Variants in KCND2 observed in about 807,000 individuals in gnomAD.
The protein encoded by KCND2 is potassium voltage-gated channel subfamily D member 2.
KCND2 carries 16 observed loss-of-function variants against 54.4 expected under a neutral mutation model. The ratio of observed to expected loss-of-function variants is 0.29; its 90% confidence interval spans 0.20 to 0.45. KCND2 has a LOEUF of 0.45. KCND2 is among the 20% of genes least tolerant of loss of function. The pLI, the probability that KCND2 is intolerant of heterozygous loss-of-function variation, is 1.00. For synonymous variants in KCND2, 317 were observed against 310.7 expected (o/e 1.02, Z -0.21); for missense variants, 486 against 824.2 (o/e 0.59, Z 5.02).
Position 120,747,068 on chromosome 7 carries a change from A to G in KCND2, c.1716-613A>G, listed in dbSNP as rs548813159. Among the ~76,000 whole-genome samples, 11 of 152,258 alleles carry G rather than the reference A, an allele frequency of 7.2e-5. No individual in the cohort carries two copies. In the South Asian group the frequency reaches 2.3e-3, roughly 32 times the overall value. On this transcript the variant is annotated intron_variant, in intron 5 of 5. Transcript: ENST00000331113. ...TTATGTTTTCCATGAAAATAAAATA[A>G]TCAGTTTCAAGCTTCTGTGTATATC... is the stretch of plus-strand genomic sequence containing the variant.
In KCND2 at chr7:120,747,833, A is replaced by G; in HGVS notation, c.1868A>G (p.Asn623Ser). The G allele has an allele frequency of 6.2e-7, 1 of 1,612,232 alleles. No homozygotes were observed. The highest frequency in any genetic ancestry group is 8.5e-7 in the Non-Finnish European group (1 of 1,178,774). Residue 623 changes from asparagine to serine, a missense_variant, in exon 6 of 6, where the codon AAT becomes AGT. By Grantham distance (46) the Asn-to-Ser change is conservative. Transcript: ENST00000331113. ...RPESPEYSGG[N>S]IVRVSAL is the part of the protein sequence containing the mutation. ...GAATCCCCTGAGTACTCAGGAGGAA[A>G]TATTGTCAGAGTTTCTGCTTTGTAA...
At chr7:120,589,827 G>C (rs1792647807) in intron 1 of KCND2, among the ~76,000 whole-genome samples, 3 of 152,154 alleles carry the variant, frequency 2.0e-5, no homozygotes, top group Admixed American at 2.0e-4. Context: ...GGAAAATGGG[G>C]TTAATGGTAG....
chr7:120,716,015 G>C (rs1179299663), intron 1 of KCND2, among the ~76,000 whole-genome samples: 3 of 135,594 alleles, frequency 2.2e-5, no homozygotes, highest in African/African-American at 5.9e-5. Context: ...TTAGCTAAGA[G>C]AGTTTTTACT....
At chr7:120,319,944 T>C (rs1389031498) in intron 1 of KCND2, among the ~76,000 whole-genome samples, 1 of 152,088 alleles carries the variant, frequency 6.6e-6, no homozygotes, top group Non-Finnish European at 1.5e-5. Context: ...TTGGTTAGCA[T>C]TGAATGGTAG....
At chr7:120,708,090 G>A (rs1430896229) in intron 1 of KCND2, among the ~76,000 whole-genome samples, 3 of 151,992 alleles carry the variant, frequency 2.0e-5, no homozygotes, top group Non-Finnish European at 4.4e-5. Context: ...GTCAGAAAGG[G>A]AAAAACAAAA....
intron 1 of KCND2, among the ~76,000 whole-genome samples, chr7:120,340,413 A>G (rs1452290448): frequency 6.6e-6 from 1 of 152,210 alleles, no homozygotes; most frequent in African/African-American, 2.4e-5. Flanking sequence ...CCATCCACCT[A>G]TGTGAGAAAT....
intron 5 of KCND2, chr7:120,747,047 G>A (rs140847443): frequency 0.025 from 3,830 of 152,160 alleles, 66 homozygotes; most frequent in Non-Finnish European, 0.036. Flanking sequence ...TCTTAATTAT[G>A]TTTTCCATGA....
intron 1 of KCND2, among the ~76,000 whole-genome samples, chr7:120,389,693 G>A (rs1801044238): frequency 6.6e-6 from 1 of 151,700 alleles, no homozygotes; most frequent in Non-Finnish European, 1.5e-5. Flanking sequence ...TGATATTACA[G>A]TATTGTTATA....
intron 1 of KCND2, among the ~76,000 whole-genome samples, chr7:120,349,220 G>A (rs1463416446): frequency 1.3e-5 from 2 of 151,880 alleles, no homozygotes; most frequent in Non-Finnish European, 1.5e-5. Context: ...ATGCCTTTAT[G>A]TGGCTGATTA....
At chr7:120,576,077 T>C (rs1409652450) in intron 1 of KCND2, among the ~76,000 whole-genome samples, 3 of 149,928 alleles carry the variant, frequency 2.0e-5, no homozygotes, top group African/African-American at 7.4e-5. Flanking sequence ...ATAGAAAAAA[T>C]TACCCCCCAA....
chr7:120,417,556 TA>T, intron 1 of KCND2, among the ~76,000 whole-genome samples: 1 of 152,138 alleles, frequency 6.6e-6, no homozygotes, highest in Non-Finnish European at 1.5e-5. Context: ...ATTGTGGCTG[TA>T]AAAAATCTGT....
intron 1 of KCND2, among the ~76,000 whole-genome samples, chr7:120,630,845 G>A (rs1793225103): frequency 6.6e-6 from 1 of 152,120 alleles, no homozygotes; most frequent in South Asian, 2.1e-4. Context: ...CTTGCCAGAA[G>A]CAGACTACAA....
intron 1 of KCND2, among the ~76,000 whole-genome samples, chr7:120,519,575 C>T (rs1454692292): frequency 6.6e-6 from 1 of 152,108 alleles, no homozygotes; most frequent in African/African-American, 2.4e-5. Context: ...AGCAGAAGAA[C>T]TATCTGATCC....
chr7:120,666,735 C>T (rs1363994998), intron 1 of KCND2, among the ~76,000 whole-genome samples: 1 of 151,988 alleles, frequency 6.6e-6, no homozygotes, highest in Non-Finnish European at 1.5e-5. Flanking sequence ...GGCTCCTCCA[C>T]TGAACAACAA....
chr7:120,692,750 C>T (rs1164665602), intron 1 of KCND2, among the ~76,000 whole-genome samples: 1 of 152,206 alleles, frequency 6.6e-6, no homozygotes, highest in East Asian at 1.9e-4. Context: ...CTATTCTCTC[C>T]AAGCCAGAGG....
At chr7:120,656,287 G>A (rs1791802543) in intron 1 of KCND2, among the ~76,000 whole-genome samples, 2 of 151,948 alleles carry the variant, frequency 1.3e-5, no homozygotes, top group East Asian at 1.9e-4. Flanking sequence ...GGAACATACC[G>A]AAAATACTTA....
In KCND2 at chr7:120,647,246, A is replaced by T. The variant is rs141491771; in HGVS notation, c.1116-85657A>T. Among the ~76,000 whole-genome samples, 1,274 of 152,306 alleles carry T rather than the reference A, an allele frequency of 8.4e-3. 12 individuals are homozygous for T. Among genetic ancestry groups the T allele is most frequent in the Middle Eastern group, 0.024 (7 of 294 alleles). On this transcript the variant is annotated intron_variant, in intron 1 of 5. Coordinates refer to ENST00000331113, the MANE Select transcript of KCND2 (RefSeq NM_012281.3). ...AACATCATATTAACCTTCAGCGCAT[A>T]GAGTTTGCTTTTGGTGCACTAGCAA... is the stretch of plus-strand genomic sequence containing the variant.
chr7:120,305,773 A>C, intron 1 of KCND2, among the ~76,000 whole-genome samples: 1 of 152,168 alleles, frequency 6.6e-6, no homozygotes, highest in East Asian at 1.9e-4. Flanking sequence ...GGTATTATGT[A>C]GAATTACAGT....
At chr7:120,487,895 G>A (rs1186237564) in intron 1 of KCND2, among the ~76,000 whole-genome samples, 1 of 152,076 alleles carries the variant, frequency 6.6e-6, no homozygotes, top group African/African-American at 2.4e-5. Context: ...AATTAGTTAT[G>A]TACAGCCAGG....
Sources: gnomAD v4.1 joint callset for allele counts (sites outside exome capture counted in the v4.1 genomes callset) on GRCh38, gnomAD v4.1.1 for gene constraint, MANE v1.5 for transcripts, NCBI Gene and HGNC (gene_info 2026-07-23, HGNC 2026-07-21) for gene names.